The following MYO16 variants were observed in gnomAD, a reference collection of about 807,000 sequenced individuals.
The protein encoded by MYO16 is unconventional myosin-XVI.
Under a neutral mutation model 205.3 loss-of-function variants are expected in MYO16, and 94 were observed. The ratio of observed to expected loss-of-function variants is 0.46; its 90% CI spans 0.39 to 0.54. The LOEUF is 0.54. Ranked by LOEUF, MYO16 falls within the 20% of genes least tolerant of loss-of-function variation. The pLI, the probability that MYO16 is intolerant of heterozygous loss-of-function variation, is 0.00. For synonymous variants in MYO16, 988 were observed against 954.0 expected (o/e 1.04, Z -0.66); for missense variants, 2,315 against 2,387.5 (o/e 0.97, Z 0.63).
chr13:109,049,343 A>T (rs1409943816), intron 24 of MYO16, among the ~76,000 whole-genome samples: 1 of 152,104 alleles, frequency 6.6e-6, no homozygotes, highest in Non-Finnish European at 1.5e-5. Flanking sequence ...AGTTCTCTTT[A>T]AAGTCCTGGA....
At chr13:109,206,534 G>T (rs990064346) in intron 34 of MYO16, 75 bp from the exon 35 acceptor site, 1 of 1,076,160 alleles carries the variant, frequency 9.3e-7, no homozygotes, top group Admixed American at 1.9e-5. Context: ...TTGTATCCAG[G>T]TGTTGCTATC....
chr13:109,006,919 G>A (rs1365594771), intron 21 of MYO16, among the ~76,000 whole-genome samples: 4 of 152,130 alleles, frequency 2.6e-5, no homozygotes, highest in African/African-American at 9.7e-5. Flanking sequence ...GAAGAGTCGG[G>A]AAAGGAGATG....
At chr13:109,143,988 G>T (rs1877214409) in intron 32 of MYO16, among the ~76,000 whole-genome samples, 1 of 151,822 alleles carries the variant, frequency 6.6e-6, no homozygotes, top group Non-Finnish European at 1.5e-5. Context: ...TTAGATTATG[G>T]GAGTCCTAAC....
In MYO16 at chr13:109,040,347, C is replaced by G. The variant is rs555466337; in HGVS notation, c.2797-6569C>G. The stretch of plus-strand genomic sequence containing the variant: ...AAGTATTATCCTAACACCAAAACCA[C>G]ACAGACAGTAGCATACACACACACA... On this transcript the variant is annotated intron_variant, in intron 23 of 34. Coordinates refer to ENST00000457511, the MANE Select transcript of MYO16 (RefSeq NM_001198950.3). 8.7e-5 allele frequency among the ~76,000 whole-genome samples: 13 copies of G among 149,558 alleles called. No individual in the cohort carries two copies. The South Asian group carries it at 2.8e-3, about 32-fold the overall frequency.
chr13:109,184,479 A>T (rs983844751), intron 34 of MYO16, among the ~76,000 whole-genome samples: 1 of 152,236 alleles, frequency 6.6e-6, no homozygotes, highest in African/African-American at 2.4e-5. Context: ...TATTAATGCA[A>T]CATAAGTGTA....
At chr13:108,605,252 G>A (rs1878908774) in intron 1 of MYO16, among the ~76,000 whole-genome samples, 1 of 152,124 alleles carries the variant, frequency 6.6e-6, no homozygotes, top group Non-Finnish European at 1.5e-5. Flanking sequence ...AATGTAATTA[G>A]CACTGCTTTT....
At chr13:109,193,894 C>T (rs1880035442) in intron 34 of MYO16, among the ~76,000 whole-genome samples, 1 of 152,066 alleles carries the variant, frequency 6.6e-6, no homozygotes. Context: ...ATATGAATAC[C>T]ATTTGTTATA....
intron 33 of MYO16, among the ~76,000 whole-genome samples, chr13:109,165,481 G>T (rs1878614807): frequency 6.6e-6 from 1 of 152,180 alleles, no homozygotes; most frequent in South Asian, 2.1e-4. Flanking sequence ...CATTTAGAAA[G>T]TGGCTTGATT....
chr13:109,193,722 T>A (rs1175507903), intron 34 of MYO16, among the ~76,000 whole-genome samples: 1 of 152,204 alleles, frequency 6.6e-6, no homozygotes, highest in Non-Finnish European at 1.5e-5. Context: ...CTACCATGAT[T>A]TTGACGCTTG....
chr13:108,623,976 G>A (rs889153555), intron 1 of MYO16, among the ~76,000 whole-genome samples: 1 of 152,086 alleles, frequency 6.6e-6, no homozygotes, highest in Non-Finnish European at 1.5e-5. Context: ...AGATTAAATG[G>A]GCTTGAAGTA....
At chr13:108,994,242 A>G (rs948466514) in intron 21 of MYO16, among the ~76,000 whole-genome samples, 4 of 152,212 alleles carry the variant, frequency 2.6e-5, no homozygotes, top group African/African-American at 9.6e-5. Flanking sequence ...AAATGCCAAA[A>G]GCTAGCTTTA....
intron 28 of MYO16, among the ~76,000 whole-genome samples, chr13:109,109,220 C>A (rs898347389): frequency 6.6e-6 from 1 of 152,026 alleles, no homozygotes; most frequent in Non-Finnish European, 1.5e-5. Flanking sequence ...TTTAGTCATT[C>A]GATAAGCATT....
intron 4 of MYO16, among the ~76,000 whole-genome samples, chr13:108,728,221 A>G (rs992258383): frequency 6.6e-6 from 1 of 152,224 alleles, no homozygotes; most frequent in Non-Finnish European, 1.5e-5. Context: ...TAAAAAATTA[A>G]CTTCTTAATG....
At chr13:108,932,485 T>G (rs1882300731) in intron 16 of MYO16, among the ~76,000 whole-genome samples, 2 of 152,196 alleles carry the variant, frequency 1.3e-5, no homozygotes, top group Admixed American at 6.5e-5. Context: ...CTCCGGAGTG[T>G]TACCAACCAA....
chr13:109,175,791 GA>G (rs1879143061), intron 33 of MYO16, among the ~76,000 whole-genome samples: 1 of 150,882 alleles, frequency 6.6e-6, no homozygotes, highest in East Asian at 1.9e-4. Flanking sequence ...CACAGATAAA[GA>G]GCTCCATCTT....
the MYO16 span, among the ~76,000 whole-genome samples, chr13:108,525,511 C>A: frequency 6.6e-6 from 1 of 152,024 alleles, no homozygotes; most frequent in Non-Finnish European, 1.5e-5. Context: ...TGGCCTTTAC[C>A]CTAGATGATA....
At chr13:108,903,332 A>T in intron 15 of MYO16, among the ~76,000 whole-genome samples, 1 of 152,162 alleles carries the variant, frequency 6.6e-6, no homozygotes, top group South Asian at 2.1e-4. Flanking sequence ...ATTTTATCAT[A>T]GATGTGTATG....
intron 27 of MYO16, among the ~76,000 whole-genome samples, chr13:109,075,753 G>T (rs1888077776): frequency 1.3e-5 from 2 of 152,146 alleles, no homozygotes; most frequent in African/African-American, 4.8e-5. Flanking sequence ...TGCATAAATA[G>T]TATCATGTTG....
intron 28 of MYO16, among the ~76,000 whole-genome samples, chr13:109,104,728 T>G (rs1389301220): frequency 6.6e-6 from 1 of 152,184 alleles, no homozygotes; most frequent in African/African-American, 2.4e-5. Context: ...CGCTGCACCT[T>G]CGCAGCTAGA....
Sources: allele counts gnomAD v4.1 joint callset (sites outside exome capture counted in the v4.1 genomes callset), GRCh38; gene constraint gnomAD v4.1.1; transcripts MANE v1.5; gene names NCBI Gene and HGNC (gene_info 2026-07-23, HGNC 2026-07-21).